Variants in MAF observed in about 807,000 individuals in gnomAD.
MAF encodes MAF bZIP transcription factor, also known as transcription factor Maf.
A neutral mutation model predicts 22.0 loss-of-function variants in MAF; 10 were observed. The observed-to-expected ratio is 0.45, with a 90% CI of 0.28 to 0.77. MAF has a LOEUF of 0.77. Ranked by LOEUF, MAF falls within the 30% of genes least tolerant of loss-of-function variation. The probability of loss-of-function intolerance (pLI) is 0.12; values close to 1 mark genes in which losing one functional copy is unlikely to be tolerated. For missense variants in MAF, 544 were observed against 548.4 expected, an observed-to-expected ratio of 0.99 and a Z score of 0.08; for synonymous variants, 337 against 255.8, an observed-to-expected ratio of 1.32 and a Z score of -3.03.
chr16:79,229,021 G>A, the MAF span, among the ~76,000 whole-genome samples: 4 of 151,796 alleles, frequency 2.6e-5, no homozygotes, highest in African/African-American at 7.3e-5. Flanking sequence ...TGGAGCAAAA[G>A]ATACAGCACA....
At chr16:79,328,514 C>G in the MAF span, among the ~76,000 whole-genome samples, 1 of 152,130 alleles carries the variant, frequency 6.6e-6, no homozygotes, top group Non-Finnish European at 1.5e-5. Context: ...TTTTGTCTTT[C>G]TGATTGGCTG....
the MAF span, among the ~76,000 whole-genome samples, chr16:79,301,898 A>C: frequency 2.0e-5 from 3 of 152,174 alleles, no homozygotes; most frequent in Admixed American, 2.0e-4. Context: ...TGGCTCAGAG[A>C]AGTTAGGTTA....
chr16:79,243,249 C>A, the MAF span, among the ~76,000 whole-genome samples: 1 of 151,858 alleles, frequency 6.6e-6, no homozygotes, highest in Non-Finnish European at 1.5e-5. Context: ...TAAAAAAAAT[C>A]CGTGAATCCA....
chr16:79,471,510 G>C, the MAF span, among the ~76,000 whole-genome samples: 6 of 152,172 alleles, frequency 3.9e-5, no homozygotes, highest in African/African-American at 1.2e-4. Context: ...CCTGTCTCTA[G>C]AAAAAAACCC....
At chr16:79,553,180 T>C in the MAF span, among the ~76,000 whole-genome samples, 1 of 152,258 alleles carries the variant, frequency 6.6e-6, no homozygotes, top group Admixed American at 6.5e-5. Flanking sequence ...GTCATGCTGA[T>C]GCTCTGCCTC....
At chr16:79,528,046 G>T in the MAF span, among the ~76,000 whole-genome samples, 14 of 152,122 alleles carry the variant, frequency 9.2e-5, no homozygotes, top group Non-Finnish European at 1.8e-4. Context: ...AGGAGGCTGA[G>T]CAGGAGAATC....
the MAF span, among the ~76,000 whole-genome samples, chr16:79,401,190 T>C: frequency 6.6e-6 from 1 of 152,190 alleles, no homozygotes; most frequent in Non-Finnish European, 1.5e-5. Flanking sequence ...CTGCCTATTC[T>C]CCCGCGTGGA....
At chr16:79,453,038 G>A in the MAF span, among the ~76,000 whole-genome samples, 1 of 152,182 alleles carries the variant, frequency 6.6e-6, no homozygotes, top group Non-Finnish European at 1.5e-5. Context: ...TTGACAGATG[G>A]CTTTGGGATG....
the MAF span, among the ~76,000 whole-genome samples, chr16:79,272,444 T>C: frequency 6.6e-6 from 1 of 152,204 alleles, no homozygotes; most frequent in Non-Finnish European, 1.5e-5. Flanking sequence ...CGTGTGACTC[T>C]ACGGCCAAAG....
At chr16:79,537,122 A>C in the MAF span, among the ~76,000 whole-genome samples, 1 of 152,188 alleles carries the variant, frequency 6.6e-6, no homozygotes. Flanking sequence ...TACATACTCA[A>C]CTGCCAGATC....
the MAF span, among the ~76,000 whole-genome samples, chr16:79,505,204 T>A: frequency 6.6e-6 from 1 of 152,172 alleles, no homozygotes; most frequent in Non-Finnish European, 1.5e-5. Context: ...TTGTAAAGCA[T>A]TGACATTTTT....
chr16:79,299,056 G>A, the MAF span, among the ~76,000 whole-genome samples: 5 of 152,188 alleles, frequency 3.3e-5, no homozygotes, highest in Non-Finnish European at 5.9e-5. Context: ...GGGGCTCGGC[G>A]GCAACAAGCC....
At chr16:79,355,147 G>A in the MAF span, among the ~76,000 whole-genome samples, 1 of 152,122 alleles carries the variant, frequency 6.6e-6, no homozygotes, top group Non-Finnish European at 1.5e-5. Context: ...AGTCTATCTT[G>A]CAGGATCCTA....
the MAF span, among the ~76,000 whole-genome samples, chr16:79,470,270 C>T: frequency 1.3e-5 from 2 of 152,216 alleles, no homozygotes; most frequent in East Asian, 1.9e-4. Context: ...CAACACTTGC[C>T]CTGCTCGGAT....
chr16:79,253,326 G>A, the MAF span, among the ~76,000 whole-genome samples: 1 of 152,048 alleles, frequency 6.6e-6, no homozygotes. Flanking sequence ...TGAGCTCCCG[G>A]GCCTTTTCCC....
chr16:79,502,041 T>C, the MAF span, among the ~76,000 whole-genome samples: 1 of 152,206 alleles, frequency 6.6e-6, no homozygotes, highest in Non-Finnish European at 1.5e-5. Flanking sequence ...TTAATAATTC[T>C]GAGGATAATT....
chr16:79,467,359 C>T, the MAF span, among the ~76,000 whole-genome samples: 7 of 152,274 alleles, frequency 4.6e-5, no homozygotes, highest in Admixed American at 3.3e-4. Flanking sequence ...GGGGCAGGCA[C>T]GCAGCTGCTT....
the MAF span, among the ~76,000 whole-genome samples, chr16:79,237,921 A>C: frequency 6.6e-6 from 1 of 152,110 alleles, no homozygotes; most frequent in South Asian, 2.1e-4. Flanking sequence ...GTGGCTCAGC[A>C]TCCCATCATG....
At chr16:79,435,422 G>A in the MAF span, among the ~76,000 whole-genome samples, 7 of 152,290 alleles carry the variant, frequency 4.6e-5, no homozygotes, top group African/African-American at 1.7e-4. Context: ...TACCTTCTGT[G>A]GTCAAATAGA....
Sources: gnomAD v4.1 joint callset for allele counts (sites outside exome capture counted in the v4.1 genomes callset) on GRCh38, gnomAD v4.1.1 for gene constraint, MANE v1.5 for transcripts, NCBI Gene and HGNC (gene_info 2026-07-23, HGNC 2026-07-21) for gene names.